Variants in RYR3 observed in about 807,000 individuals in gnomAD.
RYR3 encodes the protein ryanodine receptor 3.
In RYR3, 207 loss-of-function variants were observed where a neutral mutation model predicts 584.3. The observed-to-expected ratio is 0.35, with a 90% confidence interval of 0.32 to 0.40. The LOEUF (loss-of-function observed/expected upper bound fraction) is 0.40. RYR3 is among the 10% of genes least tolerant of loss of function. The probability of loss-of-function intolerance (pLI) is 1.00; values close to 1 mark genes in which losing one functional copy is unlikely to be tolerated. For missense variants in RYR3, 5,616 were observed against 6,089.2 expected (o/e 0.92, Z 2.59); for synonymous variants, 2,416 against 2,248.5 (o/e 1.07, Z -2.11).
At chr15:33,777,831 A>C (rs986721817) in intron 64 of RYR3, among the ~76,000 whole-genome samples, 1 of 151,786 alleles carries the variant, frequency 6.6e-6, no homozygotes, top group Admixed American at 6.6e-5. Flanking sequence ...ATCCAGTCCC[A>C]AGCCACCTCG....
At chr15:33,452,458 CTA>C (rs2047206706) in intron 1 of RYR3, among the ~76,000 whole-genome samples, 3 of 152,114 alleles carry the variant, frequency 2.0e-5, no homozygotes, top group Admixed American at 6.5e-5. Flanking sequence ...AATAATATGT[CTA>C]TGAAAATCAG....
rs2043454551 is a variant in RYR3 at position 33,412,134 on chromosome 15, A to AAG, written c.52-61281_52-61280dup. Reference sequence around the variant, plus strand: ...ACTGAGAATAACTACTTAGGCGAGTAAGAGATTATAAATATTATCATTGAA... The same window carrying AAG: ...ACTGAGAATAACTACTTAGGCGAGTAAGAGAGATTATAAATATTATCATTGAA... On this transcript the variant is annotated intron_variant, in intron 1 of 103. Coordinates refer to ENST00000634891, the MANE Select transcript of RYR3 (RefSeq NM_001036.6). The surrounding 1 kb of genome is among the most constrained non-coding windows in gnomAD (Gnocchi z 4.3). Among the ~76,000 whole-genome samples, 1 of 152,240 alleles carries AAG rather than the reference A, an allele frequency of 6.6e-6. No individual in the cohort carries two copies. The highest frequency in any genetic ancestry group is 1.5e-5 in the Non-Finnish European group (1 of 68,046).
chr15:33,651,894 C>A (rs901364624), intron 31 of RYR3, among the ~76,000 whole-genome samples: 1 of 152,326 alleles, frequency 6.6e-6, no homozygotes, highest in East Asian at 1.9e-4. Flanking sequence ...AAAGAATCGG[C>A]CATCTCTTGC....
At chr15:33,400,574 G>GTGGAGACTTTCTTCCTTCA (rs775752959) in intron 1 of RYR3, among the ~76,000 whole-genome samples, 1 of 152,140 alleles carries the variant, frequency 6.6e-6, no homozygotes, top group East Asian at 1.9e-4. Context: ...AAATTTCTTC[G>GTGGAGACTTTCTTCCTTCA]TGGAGACTTT....
At chr15:33,579,860 C>T (rs748792432) in intron 12 of RYR3, 116 bp from the exon 13 acceptor site, 71 of 637,806 alleles carry the variant, frequency 1.1e-4, no homozygotes, top group Non-Finnish European at 1.6e-4. Flanking sequence ...AGTGGCCGCC[C>T]AAGGAAGCAA....
chr15:33,846,282 G>T (rs115161274), intron 93 of RYR3, among the ~76,000 whole-genome samples: 5,119 of 152,276 alleles, frequency 0.034, 163 homozygotes, highest in Non-Finnish European at 0.039. Flanking sequence ...TGCATTCTGT[G>T]GTTTAAGGCA....
chr15:33,527,751 G>A (rs2054513248), intron 3 of RYR3, among the ~76,000 whole-genome samples: 1 of 152,208 alleles, frequency 6.6e-6, no homozygotes, highest in African/African-American at 2.4e-5. Flanking sequence ...GGGTTTTTGA[G>A]CAAGAAAGTA....
intron 10 of RYR3, among the ~76,000 whole-genome samples, chr15:33,555,935 C>A (rs2057038042): frequency 6.6e-6 from 1 of 152,104 alleles, no homozygotes; most frequent in South Asian, 2.1e-4. Flanking sequence ...TTTTTAAGGG[C>A]AATACGAAGA....
chr15:33,789,231 G>C (rs952448000), intron 67 of RYR3, among the ~76,000 whole-genome samples: 8 of 152,108 alleles, frequency 5.3e-5, no homozygotes, highest in Non-Finnish European at 1.2e-4. Flanking sequence ...TCCAGGCCTA[G>C]GACGCCACTG....
intron 38 of RYR3, among the ~76,000 whole-genome samples, chr15:33,676,125 A>G (rs548738293): frequency 9.1e-4 from 139 of 152,254 alleles, no homozygotes; most frequent in African/African-American, 3.2e-3. Context: ...AAGGGTTCTC[A>G]AGAGTGAGAG....
chr15:33,495,043 T>G lies in RYR3; in HGVS notation c.172-8588T>G, dbSNP rs1176840314. Among the ~76,000 whole-genome samples, 3 of 152,316 alleles carry G rather than the reference T, an allele frequency of 2.0e-5. No individual in the cohort carries two copies. The East Asian group carries it at 5.8e-4, about 29-fold the overall frequency. ...GCTTATATGGTGAGTCAGTCTCAGA[T>G]TTTTAGAACTGCATAAAATGAAAAT... On this transcript the variant is annotated intron_variant, in intron 2 of 103. Transcript: ENST00000634891.
At chr15:33,861,739 A>ATGTCTGTCTTTTCTC (rs1171910996) in intron 102 of RYR3, among the ~76,000 whole-genome samples, 2 of 152,194 alleles carry the variant, frequency 1.3e-5, no homozygotes, top group Middle Eastern at 6.8e-3. Context: ...AGGCCTCATC[A>ATGTCTGTCTTTTCTC]TGTCTGTCTT....
At chr15:33,782,705 A>G (rs952882901) in intron 65 of RYR3, among the ~76,000 whole-genome samples, 1 of 152,166 alleles carries the variant, frequency 6.6e-6, no homozygotes, top group Admixed American at 6.5e-5. Flanking sequence ...TACAGTATGA[A>G]CTGATTTATC....
At chr15:33,428,123 G>T (rs759654247) in intron 1 of RYR3, among the ~76,000 whole-genome samples, 1 of 152,158 alleles carries the variant, frequency 6.6e-6, no homozygotes, top group Non-Finnish European at 1.5e-5. Context: ...GTTTGTGGTA[G>T]TAGAAGGCCA....
At chr15:33,595,532 C>G (rs1320770756) in intron 16 of RYR3, among the ~76,000 whole-genome samples, 1 of 152,088 alleles carries the variant, frequency 6.6e-6, no homozygotes. Flanking sequence ...ATTGGCCCAC[C>G]TTACAATCTT....
intron 47 of RYR3, among the ~76,000 whole-genome samples, chr15:33,730,375 A>G (rs965041505): frequency 2.0e-5 from 3 of 152,166 alleles, no homozygotes; most frequent in Non-Finnish European, 2.9e-5. Flanking sequence ...ATAGACATTC[A>G]TGCATTCTCT....
intron 65 of RYR3, 74 bp from the exon 66 acceptor site, chr15:33,785,588 G>A: frequency 8.3e-7 from 1 of 1,198,800 alleles, no homozygotes; most frequent in Non-Finnish European, 1.1e-6. Context: ...CAAAGGAAAG[G>A]AGGGGCAGAG....
intron 1 of RYR3, among the ~76,000 whole-genome samples, chr15:33,450,443 G>T (rs147243639): frequency 6.6e-6 from 1 of 152,122 alleles, no homozygotes; most frequent in African/African-American, 2.4e-5. Context: ...TCTGCCGCCC[G>T]CCCTCATCTC....
intron 86 of RYR3, among the ~76,000 whole-genome samples, chr15:33,831,648 C>G (rs35450385): frequency 0.13 from 19,250 of 152,224 alleles, 1,608 homozygotes; most frequent in Middle Eastern, 0.28. Context: ...CTAGATCTTG[C>G]TGCAGTCTTT....
Sources: gnomAD v4.1 joint callset for allele counts (sites outside exome capture counted in the v4.1 genomes callset) on GRCh38, gnomAD v4.1.1 for gene constraint, Gnocchi (gnomAD v3.1) non-coding constraint, MANE v1.5 for transcripts, NCBI Gene and HGNC (gene_info 2026-07-23, HGNC 2026-07-21) for gene names.